Variants in MCCC1 observed in about 807,000 individuals in gnomAD.
The protein encoded by MCCC1 is methylcrotonoyl-CoA carboxylase subunit alpha, mitochondrial.
MCCC1 carries 64 observed loss-of-function variants against 83.8 expected under a neutral mutation model. The ratio of observed to expected loss-of-function variants is 0.76; its 90% confidence interval spans 0.62 to 0.94. The LOEUF (loss-of-function observed/expected upper bound fraction) is 0.94, where lower values mean the gene tolerates loss of function less well. Among genes scored for constraint, MCCC1 ranks in the 40% least tolerant of loss-of-function variants. MCCC1 has a pLI of 0.00. For synonymous variants in MCCC1, 322 were observed against 315.4 expected (o/e 1.02, Z -0.22); for missense variants, 807 against 904.7 (o/e 0.89, Z 1.39).
At chr3:183,031,601 C>T (rs958833712) in intron 14 of MCCC1, among the ~76,000 whole-genome samples, 12 of 149,464 alleles carry the variant, frequency 8.0e-5, no homozygotes, top group East Asian at 2.0e-4. Flanking sequence ...AGGTTCATGC[C>T]ATTCTCCTGC....
intron 4 of MCCC1, among the ~76,000 whole-genome samples, chr3:183,083,186 T>C (rs1340039408): frequency 6.6e-6 from 1 of 152,230 alleles, no homozygotes; most frequent in Non-Finnish European, 1.5e-5. Flanking sequence ...CAAGTGTTAT[T>C]CAATGTCCTT....
chr3:183,099,584 A>G, upstream of MCCC1: 5 of 923,608 alleles, frequency 5.4e-6, no homozygotes, highest in South Asian at 7.7e-5. Context: ...TGATCCAAGA[A>G]TGTGAGGGCG....
chr3:183,022,863 A>T (rs909117344), intron 15 of MCCC1: 1 of 204,158 alleles, frequency 4.9e-6, no homozygotes, highest in African/African-American at 2.3e-5. Context: ...AAACAAAAAT[A>T]CAAACCAAGT....
chr3:183,057,474 T>A, intron 7 of MCCC1, 52 bp from the exon 8 acceptor site: 1 of 1,371,024 alleles, frequency 7.3e-7, no homozygotes, highest in Non-Finnish European at 1.0e-6. Flanking sequence ...GTGATAAATA[T>A]CACATTCGTT....
At chr3:183,090,523 T>C (rs1718239179) in intron 3 of MCCC1, among the ~76,000 whole-genome samples, 1 of 152,178 alleles carries the variant, frequency 6.6e-6, no homozygotes, top group African/African-American at 2.4e-5. Context: ...CTAGGCATCA[T>C]CTCACTTACC....
intron 4 of MCCC1, among the ~76,000 whole-genome samples, chr3:183,077,125 C>G (rs1717134388): frequency 6.6e-6 from 1 of 152,154 alleles, no homozygotes; most frequent in Non-Finnish European, 1.5e-5. Flanking sequence ...TGCATTTTAT[C>G]TATCCACTCA....
In MCCC1 at chr3:183,036,537, C is replaced by CTTT. The variant is rs11411314; in HGVS notation, c.1594+678_1594+680dup. Among the ~76,000 whole-genome samples the CTTT allele has an allele frequency of 3.1e-3, 363 of 117,644 alleles. 1 individual carries two copies. Among genetic ancestry groups the CTTT allele is most frequent in the African/African-American group, 0.01 (332 of 32,142 alleles). The allele number at this position is 117,644 out of a possible 152,430, so 77.2% of individuals were successfully genotyped here. Reference sequence around the variant, plus strand: ...GTTTGACTGAAAAGAGATCCATTTCCTTTTTTTTTTTTTTTTTTTTTAGAT... The same window carrying CTTT: ...GTTTGACTGAAAAGAGATCCATTTCCTTTTTTTTTTTTTTTTTTTTTTTTAGAT... On this transcript the variant is annotated intron_variant, in intron 13 of 18. Transcript: ENST00000265594.
chr3:183,099,666 C>T (rs1362380269), upstream of MCCC1: 8 of 611,426 alleles, frequency 1.3e-5, no homozygotes, highest in African/African-American at 3.7e-5. Flanking sequence ...GCCACGTGCT[C>T]GTGGGGGTGT....
Position 183,071,293 on chromosome 3 carries a change from G to C in MCCC1, c.556C>G (p.Gln186Glu). 1 of 1,614,132 alleles carries C rather than the reference G, an allele frequency of 6.2e-7. No homozygotes were observed. ...PVVEGYHGED[Q>E]SDQCLKEHAR... ...TGTTCCTTCAGGCACTGGTCTGATT[G>C]GTCCTCACCATGATAACCCTCCACA... The change falls in exon 6 of 19, where the codon CAA becomes GAA. Residue 186 changes from glutamine (Q) to glutamate (E), a missense_variant. By Grantham distance (29) the Gln-to-Glu change is conservative. Coordinates refer to ENST00000265594, the MANE Select transcript of MCCC1 (RefSeq NM_020166.5).
chr3:183,086,278 G>A (rs1267346587), intron 4 of MCCC1, among the ~76,000 whole-genome samples: 2 of 152,116 alleles, frequency 1.3e-5, no homozygotes, highest in Non-Finnish European at 1.5e-5. Flanking sequence ...TGCCTGAATC[G>A]TCTTCCTTAA....
intron 2 of MCCC1, 27 bp from the exon 3 acceptor site, chr3:183,092,572 C>G: frequency 6.2e-7 from 1 of 1,613,768 alleles, no homozygotes; most frequent in Non-Finnish European, 8.5e-7. Context: ...GAAAATCACA[C>G]AGAAATGTTA....
chr3:183,069,855 T>C (rs1341845883), intron 7 of MCCC1, among the ~76,000 whole-genome samples: 1 of 151,570 alleles, frequency 6.6e-6, no homozygotes, highest in East Asian at 1.9e-4. Context: ...GAAAAAAAAA[T>C]AGGGATTCAC....
intron 11 of MCCC1, among the ~76,000 whole-genome samples, chr3:183,041,246 C>T (rs1714059046): frequency 6.6e-6 from 1 of 152,164 alleles, no homozygotes. Context: ...CTGCCTTGTG[C>T]ATAGCAGATA....
intron 14 of MCCC1, among the ~76,000 whole-genome samples, chr3:183,029,518 C>T (rs1030483386): frequency 1.3e-5 from 2 of 152,180 alleles, no homozygotes; most frequent in Non-Finnish European, 2.9e-5. Flanking sequence ...ATCCATGCCT[C>T]GTACTCCTTC....
At chr3:183,110,393 A>ATTT (rs57833543) in intron 1 of MCCC1, among the ~76,000 whole-genome samples, 2 of 129,552 alleles carry the variant, frequency 1.5e-5, no homozygotes, top group Non-Finnish European at 3.3e-5. Flanking sequence ...TTTAGTCACA[A>ATTT]TTTTTTTTTT....
At chr3:183,095,158 C>T (rs1718648458) in intron 1 of MCCC1, among the ~76,000 whole-genome samples, 1 of 151,942 alleles carries the variant, frequency 6.6e-6, no homozygotes, top group Non-Finnish European at 1.5e-5. Flanking sequence ...TGGCGGGCAC[C>T]TGTAGTCCCA....
chr3:183,034,189 G>T (rs564002181), intron 13 of MCCC1, 112 bp from the exon 14 acceptor site: 15 of 756,472 alleles, frequency 2.0e-5, no homozygotes, highest in African/African-American at 1.0e-4. Flanking sequence ...AGTGGCTCAT[G>T]CCTGTAATCC....
At chr3:183,049,132 T>C (rs1263584957) in intron 9 of MCCC1, among the ~76,000 whole-genome samples, 4 of 152,108 alleles carry the variant, frequency 2.6e-5, no homozygotes, top group Non-Finnish European at 5.9e-5. Flanking sequence ...ATGTATATAT[T>C]AGAAAAGAAA....
intron 12 of MCCC1, among the ~76,000 whole-genome samples, chr3:183,037,778 C>T (rs1713749161): frequency 6.6e-6 from 1 of 152,132 alleles, no homozygotes; most frequent in African/African-American, 2.4e-5. Flanking sequence ...AATTCATTTG[C>T]AAGGTATCGA....
Sources: gnomAD v4.1 joint callset for allele counts (sites outside exome capture counted in the v4.1 genomes callset) on GRCh38, gnomAD v4.1.1 for gene constraint, MANE v1.5 for transcripts, NCBI Gene and HGNC (gene_info 2026-07-23, HGNC 2026-07-21) for gene names.